LARP1B: variants seen among roughly 807,000 people sequenced by gnomAD.
LARP1B encodes La ribonucleoprotein 1B.
Under a neutral mutation model 114.2 loss-of-function variants are expected in LARP1B, and 76 were observed. The ratio of observed to expected loss-of-function variants is 0.67; its 90% CI spans 0.55 to 0.81. The LOEUF (loss-of-function observed/expected upper bound fraction) is 0.81, where lower values mean the gene tolerates loss of function less well. LARP1B is among the 30% of genes least tolerant of loss of function. LARP1B has a pLI of 0.00. For missense variants in LARP1B, 1,014 were observed against 1,075.8 expected (o/e 0.94, Z 0.80); for synonymous variants, 345 against 348.0 (o/e 0.99, Z 0.10).
chr4:128,068,377 G>T (rs1763893316), intron 1 of LARP1B, among the ~76,000 whole-genome samples: 1 of 151,354 alleles, frequency 6.6e-6, no homozygotes, highest in Non-Finnish European at 1.5e-5. Flanking sequence ...TAGGAGTACA[G>T]TGACACAATC....
At chr4:128,199,805 G>C (rs1170571504) in intron 16 of LARP1B, among the ~76,000 whole-genome samples, 2 of 152,212 alleles carry the variant, frequency 1.3e-5, no homozygotes, top group Admixed American at 1.3e-4. Flanking sequence ...AATATACTCG[G>C]CTGAGCATGG....
intron 11 of LARP1B, among the ~76,000 whole-genome samples, chr4:128,148,640 T>G (rs1235706435): frequency 6.6e-6 from 1 of 152,086 alleles, no homozygotes; most frequent in Non-Finnish European, 1.5e-5. Context: ...TTTTATTTAT[T>G]TATTTTTGAG....
chr4:128,102,496 T>C lies in LARP1B; in HGVS notation c.813+4166T>C, dbSNP rs115042026. On this transcript the variant is annotated intron_variant, in intron 8 of 19. Transcript: ENST00000326639. ...TTTAACCAGCTTCTTCCCATATGTATTTGAATATGCTCAAGTTTTTCCTTT... is the reference window on the plus strand; with the variant it reads ...TTTAACCAGCTTCTTCCCATATGTACTTGAATATGCTCAAGTTTTTCCTTT... Among the ~76,000 whole-genome samples the C allele has an allele frequency of 1.9e-3, 283 of 152,344 alleles. 2 individuals are homozygous for C. The highest frequency in any genetic ancestry group is 3.4e-3 in the Middle Eastern group (1 of 294).
intron 15 of LARP1B, among the ~76,000 whole-genome samples, chr4:128,185,411 T>A (rs1004073591): frequency 6.6e-6 from 1 of 152,166 alleles, no homozygotes; most frequent in Non-Finnish European, 1.5e-5. Context: ...TTTGATTTTC[T>A]TTATCTTCTT....
intron 1 of LARP1B, chr4:128,069,685 A>C: frequency 2.3e-6 from 1 of 438,328 alleles, no homozygotes; most frequent in South Asian, 2.8e-5. Context: ...ATATGGGTTT[A>C]TTAATCCCTT....
chr4:128,069,377 A>T (rs767039402), intron 1 of LARP1B: 2 of 767,230 alleles, frequency 2.6e-6, no homozygotes, highest in Non-Finnish European at 4.7e-6. Context: ...CATGATGGAC[A>T]GGCTTGCCAT....
At chr4:128,165,087 A>G (rs111473757) in intron 12 of LARP1B, among the ~76,000 whole-genome samples, 2 of 152,054 alleles carry the variant, frequency 1.3e-5, no homozygotes, top group African/African-American at 2.4e-5. Flanking sequence ...TGCATAGCAC[A>G]TAGGAGCCAT....
rs70966089 is a variant in LARP1B, at chr4:128,189,324, C to CTTTTTTTTTTTTTTTTT, written c.2003+9822_2003+9838dup. Among the ~76,000 whole-genome samples the CTTTTTTTTTTTTTTTTT allele has an allele frequency of 5.9e-4, 4 of 6,822 alleles. 1 individual carries two copies. The highest frequency in any genetic ancestry group is 5.2e-3 in the Admixed American group (2 of 388). 4.5% of individuals were successfully genotyped at this position (6,822 alleles called of 152,430 possible). A position where few individuals can be genotyped will look rare whatever the true frequency, so the allele number is the denominator to read the frequency against. On this transcript the variant is annotated intron_variant, in intron 15 of 19. Transcript: ENST00000326639. The stretch of plus-strand genomic sequence containing the variant: ...ATTTTGTTTGATACAAGTATGGCTA[C>CTTTTTTTTTTTTTTTTT]TTTTTTTTTTTTTTTTTTTTTTTTT...
At chr4:128,086,570 C>A (rs1445885893) in intron 5 of LARP1B, among the ~76,000 whole-genome samples, 1 of 152,136 alleles carries the variant, frequency 6.6e-6, no homozygotes, top group East Asian at 1.9e-4. Context: ...CCCAAGCGAT[C>A]TTCCAGCATC....
chr4:128,213,196 G>A (rs543112150), downstream of LARP1B, among the ~76,000 whole-genome samples: 57 of 152,146 alleles, frequency 3.7e-4, no homozygotes, highest in African/African-American at 1.4e-3. Flanking sequence ...TTACAGGTGT[G>A]AGCCACTGCG....
At chr4:128,065,317 C>A in intron 1 of LARP1B, among the ~76,000 whole-genome samples, 1 of 77,070 alleles carries the variant, frequency 1.3e-5, no homozygotes, top group East Asian at 2.8e-4. Flanking sequence ...TTCTTTCTTT[C>A]TCTCTCTCTC....
chr4:128,073,091 C>T (rs1766003181), intron 1 of LARP1B, among the ~76,000 whole-genome samples: 1 of 152,034 alleles, frequency 6.6e-6, no homozygotes, highest in Admixed American at 6.6e-5. Flanking sequence ...AAGTTATATA[C>T]ATTTTAGATG....
intron 11 of LARP1B, chr4:128,156,272 C>G: frequency 9.8e-7 from 1 of 1,018,150 alleles, no homozygotes; most frequent in Non-Finnish European, 1.5e-6. Context: ...CCCACCAGTC[C>G]AGCTGGCCTG....
chr4:128,189,247 G>T lies in LARP1B; in HGVS notation c.2003+9735G>T, dbSNP rs1486727929. On this transcript the variant is annotated intron_variant, in intron 15 of 19. Coordinates refer to ENST00000326639, the MANE Select transcript of LARP1B (RefSeq NM_018078.4). Reference sequence around the variant, plus strand: ...TGATCCTTTCCTTTATCATCATACAGTGACCTTCCGTGTCCTTTTTTTTTT... The same window carrying T: ...TGATCCTTTCCTTTATCATCATACATTGACCTTCCGTGTCCTTTTTTTTTT... Among the ~76,000 whole-genome samples the T allele has an allele frequency of 4.7e-5, 6 of 126,618 alleles. No individual in the cohort carries two copies. In the East Asian group the frequency reaches 9.2e-4, roughly 19 times the overall value. The allele number at this position is 126,618 out of a possible 152,430, so 83.1% of individuals were successfully genotyped here. A position where few individuals can be genotyped will look rare whatever the true frequency, so the allele number is the denominator to read the frequency against.
chr4:128,199,659 A>T (rs1755304832), intron 16 of LARP1B, 60 bp downstream of exon 16: 6 of 874,686 alleles, frequency 6.9e-6, no homozygotes, highest in Non-Finnish European at 9.3e-6. Context: ...ATTCTAAAAA[A>T]TTTAAATGTT....
chr4:128,106,257 C>T (rs546716762), intron 8 of LARP1B, among the ~76,000 whole-genome samples: 37 of 152,186 alleles, frequency 2.4e-4, no homozygotes, highest in African/African-American at 8.4e-4. Context: ...CTCCTGACCT[C>T]GTGATCCACC....
chr4:128,083,479 G>C (rs1275891227), intron 5 of LARP1B, among the ~76,000 whole-genome samples: 1 of 149,692 alleles, frequency 6.7e-6, no homozygotes, highest in Non-Finnish European at 1.5e-5. Context: ...GGACGGAGAG[G>C]CTGGCCAGGC....
chr4:128,080,786 A>G (rs966359546), intron 4 of LARP1B, among the ~76,000 whole-genome samples: 2 of 152,152 alleles, frequency 1.3e-5, no homozygotes, highest in African/African-American at 2.4e-5. Context: ...AGGAAGATGC[A>G]TAATAGCTGT....
At chr4:128,156,863 TAAAAAA>T (rs56753518) in intron 11 of LARP1B, among the ~76,000 whole-genome samples, 6 of 80,778 alleles carry the variant, frequency 7.4e-5, no homozygotes, top group Admixed American at 1.5e-4. Flanking sequence ...GGCTTGAAGC[TAAAAAA>T]AAAAAAAAAA....
Sources: gnomAD v4.1 joint callset for allele counts (sites outside exome capture counted in the v4.1 genomes callset) on GRCh38, gnomAD v4.1.1 for gene constraint, MANE v1.5 for transcripts, NCBI Gene and HGNC (gene_info 2026-07-23, HGNC 2026-07-21) for gene names.